PPA2: variants seen among roughly 807,000 people sequenced by gnomAD.
PPA2 encodes inorganic pyrophosphatase 2.
Under a neutral mutation model 49.5 loss-of-function variants are expected in PPA2, and 48 were observed. The observed-to-expected ratio is 0.97, with a 90% confidence interval of 0.77 to 1.23. The LOEUF (loss-of-function observed/expected upper bound fraction) is 1.23. Ranked by LOEUF, PPA2 falls within the 50% of genes most tolerant of loss-of-function variation. The pLI is 0.00. For missense variants in PPA2, 429 were observed against 410.1 expected (o/e 1.05, Z -0.40); for synonymous variants, 131 against 139.9 (o/e 0.94, Z 0.45).
intron 5 of PPA2, among the ~76,000 whole-genome samples, chr4:105,439,939 G>GT (rs965400077): frequency 1.3e-4 from 19 of 146,582 alleles, no homozygotes; most frequent in Admixed American, 1.2e-3. Flanking sequence ...GTGGTGTTTG[G>GT]TTTTTTGTCC....
chr4:105,370,475 TA>T, intron 11 of PPA2: 1 of 408,478 alleles, frequency 2.4e-6, no homozygotes, highest in Non-Finnish European at 3.3e-6. Context: ...GATCTTCAGC[TA>T]AAATAAGTGA....
chr4:105,391,083 G>C (rs1047000781), intron 9 of PPA2, among the ~76,000 whole-genome samples: 4 of 152,008 alleles, frequency 2.6e-5, no homozygotes, highest in African/African-American at 7.2e-5. Context: ...ACTAATGCAG[G>C]AGCAGAAAAC....
At chr4:105,416,918 A>C (rs952819640) in intron 7 of PPA2, among the ~76,000 whole-genome samples, 1 of 152,236 alleles carries the variant, frequency 6.6e-6, no homozygotes, top group Non-Finnish European at 1.5e-5. Flanking sequence ...TGTCAAAGTG[A>C]GTATTACCAA....
chr4:105,392,672 C>CAA (rs1175617131), intron 9 of PPA2, among the ~76,000 whole-genome samples: 1 of 97,734 alleles, frequency 1.0e-5, no homozygotes, highest in African/African-American at 3.8e-5. Context: ...GACTCTGTTT[C>CAA]AAAAAAAAAA....
intron 1 of PPA2, among the ~76,000 whole-genome samples, chr4:105,470,864 C>T (rs772381713): frequency 2.6e-5 from 4 of 152,142 alleles, no homozygotes; most frequent in Non-Finnish European, 4.4e-5. Context: ...TTGTCCAAGA[C>T]GGTAAAGTCA....
At chr4:105,459,121 T>C (rs1722982977) in intron 1 of PPA2, among the ~76,000 whole-genome samples, 1 of 152,180 alleles carries the variant, frequency 6.6e-6, no homozygotes, top group Non-Finnish European at 1.5e-5. Flanking sequence ...ACTGTTAACA[T>C]AATTTTTATT....
intron 1 of PPA2, among the ~76,000 whole-genome samples, chr4:105,459,051 C>A (rs988993301): frequency 6.6e-6 from 1 of 152,120 alleles, no homozygotes; most frequent in Non-Finnish European, 1.5e-5. Flanking sequence ...CCAATATATA[C>A]TTGCTGAGCA....
intron 7 of PPA2, chr4:105,406,010 A>T (rs776616982): frequency 4.1e-5 from 9 of 218,436 alleles, no homozygotes; most frequent in Non-Finnish European, 8.7e-5. Flanking sequence ...GCAAACAAGA[A>T]TTTTAAAGTA....
rs191315275 is a variant in PPA2, at chr4:105,444,085, T to A, written c.441+2298A>T. Among the ~76,000 whole-genome samples the A allele has an allele frequency of 8.5e-5, 13 of 152,352 alleles. No homozygotes were observed. In the East Asian group the frequency reaches 2.5e-3, roughly 29 times the overall value. On this transcript the variant is annotated intron_variant, in intron 5 of 11. Coordinates refer to ENST00000341695, the MANE Select transcript of PPA2 (RefSeq NM_176869.3). The stretch of plus-strand genomic sequence containing the variant: ...AAAATAAAAGCTCCAGAGAAATATC[T>A]GTCACTTTTTATCACTGCTTTACCT...
At chr4:105,434,077 C>G (rs760397767) in intron 6 of PPA2, among the ~76,000 whole-genome samples, 1 of 152,088 alleles carries the variant, frequency 6.6e-6, no homozygotes, top group Non-Finnish European at 1.5e-5. Context: ...ATCCTCTTAG[C>G]TCGCCTCCCA....
intron 7 of PPA2, among the ~76,000 whole-genome samples, chr4:105,421,740 G>A (rs886266077): frequency 5.3e-5 from 8 of 152,184 alleles, no homozygotes; most frequent in Middle Eastern, 3.4e-3. Context: ...AAAAATGTGT[G>A]ATTCTTAAAA....
At chr4:105,374,035 T>A (rs1426935598) in intron 10 of PPA2, among the ~76,000 whole-genome samples, 2 of 152,188 alleles carry the variant, frequency 1.3e-5, no homozygotes, top group South Asian at 2.1e-4. Flanking sequence ...TATGGAGCAG[T>A]ACCCAAAAGA....
chr4:105,473,840 C>T (rs114111786), intron 1 of PPA2, 54 bp downstream of exon 1: 21,783 of 1,559,842 alleles, frequency 0.014, 180 homozygotes, highest in Non-Finnish European at 0.017. Context: ...CCATTCCATC[C>T]CCCACCCAGG....
At chr4:105,399,481 A>G in intron 7 of PPA2, 1 of 187,074 alleles carries the variant, frequency 5.3e-6, no homozygotes, top group Non-Finnish European at 1.1e-5. Context: ...TAACTCAGGG[A>G]AAGAGACAAA....
At chr4:105,436,588 T>C (rs961159294) in intron 6 of PPA2, among the ~76,000 whole-genome samples, 13 of 152,056 alleles carry the variant, frequency 8.5e-5, no homozygotes, top group African/African-American at 2.2e-4. Flanking sequence ...GCTGTAGTAC[T>C]GGTATAAAAA....
rs555167355 is a variant in PPA2, at chr4:105,431,598, G to C, written c.528+6352C>G. Among the ~76,000 whole-genome samples the C allele has an allele frequency of 2.6e-5, 4 of 152,224 alleles. No homozygotes were observed. In the Middle Eastern group the frequency reaches 0.01, roughly 388 times the overall value. On this transcript the variant is annotated intron_variant, in intron 6 of 11. Coordinates refer to ENST00000341695, the MANE Select transcript of PPA2 (RefSeq NM_176869.3). The stretch of plus-strand genomic sequence containing the variant: ...ATTCCATTCCTAGGTGAAAAAAATG[G>C]ATAAGAGTATTCAAACAAAAACTCA...
intron 7 of PPA2, among the ~76,000 whole-genome samples, chr4:105,400,654 T>C (rs1360674391): frequency 2.0e-5 from 3 of 152,178 alleles, no homozygotes; most frequent in Non-Finnish European, 4.4e-5. Flanking sequence ...ATCTGATTTA[T>C]GACTTCATCG....
intron 7 of PPA2, chr4:105,405,692 A>G: frequency 2.2e-6 from 2 of 911,786 alleles, no homozygotes; most frequent in Non-Finnish European, 2.7e-6. Flanking sequence ...TTCGTGTTTC[A>G]ATGTACTCCC....
chr4:105,412,565 G>C (rs1283524817), intron 7 of PPA2, among the ~76,000 whole-genome samples: 2 of 151,972 alleles, frequency 1.3e-5, no homozygotes, highest in Non-Finnish European at 2.9e-5. Flanking sequence ...GAGAATGGGA[G>C]AAAATTTTCG....
Sources: allele counts gnomAD v4.1 joint callset (sites outside exome capture counted in the v4.1 genomes callset), GRCh38; gene constraint gnomAD v4.1.1; transcripts MANE v1.5; gene names NCBI Gene and HGNC (gene_info 2026-07-23, HGNC 2026-07-21).